Variants in JMJD1C observed in about 807,000 individuals in gnomAD.
JMJD1C encodes jumonji domain containing 1C.
In JMJD1C, 31 loss-of-function variants were observed where a neutral mutation model predicts 245.3. The observed-to-expected ratio is 0.13, with a 90% CI of 0.09 to 0.17. JMJD1C has a LOEUF of 0.17. Among genes scored for constraint, JMJD1C ranks in the 10% least tolerant of loss-of-function variants. The pLI is 1.00. For missense variants in JMJD1C, 2,691 were observed against 3,000.2 expected, an observed-to-expected ratio of 0.90 and a Z score of 2.41; for synonymous variants, 1,057 against 1,017.4, an observed-to-expected ratio of 1.04 and a Z score of -0.74.
At chr10:63,454,237 AG>A (rs1952258167) in intron 1 of JMJD1C, among the ~76,000 whole-genome samples, 1 of 150,672 alleles carries the variant, frequency 6.6e-6, no homozygotes, top group Non-Finnish European at 1.5e-5. Flanking sequence ...ATGTGATCGG[AG>A]CTCTAAAAGG....
At chr10:63,395,407 G>A (rs1028592214) in intron 1 of JMJD1C, among the ~76,000 whole-genome samples, 1 of 152,182 alleles carries the variant, frequency 6.6e-6, no homozygotes, top group Non-Finnish European at 1.5e-5. Flanking sequence ...GAACCCAGGA[G>A]GCGGAGTTTA....
At chr10:63,436,487 T>C (rs1363298529) in intron 1 of JMJD1C, among the ~76,000 whole-genome samples, 2 of 152,168 alleles carry the variant, frequency 1.3e-5, no homozygotes, top group African/African-American at 4.8e-5. Flanking sequence ...AATCAGTACC[T>C]TGAAATCTGA....
At chr10:63,430,959 T>C (rs763134353) in intron 1 of JMJD1C, among the ~76,000 whole-genome samples, 2 of 152,140 alleles carry the variant, frequency 1.3e-5, no homozygotes, top group Admixed American at 6.5e-5. Flanking sequence ...CCTGGGTTCA[T>C]GCAATCCTCC....
At chr10:63,451,677 T>C (rs1361583106) in intron 1 of JMJD1C, among the ~76,000 whole-genome samples, 1 of 152,148 alleles carries the variant, frequency 6.6e-6, no homozygotes, top group Admixed American at 6.5e-5. Flanking sequence ...TATGCCACCT[T>C]AAGGCTGATA....
intron 2 of JMJD1C, among the ~76,000 whole-genome samples, chr10:63,369,410 T>TGGGA (rs1214126296): frequency 6.6e-6 from 1 of 152,172 alleles, no homozygotes; most frequent in East Asian, 1.9e-4. Context: ...CCCAAAGTGC[T>TGGGA]GGGATTACAG....
chr10:63,285,634 C>G (rs1857896732), intron 2 of JMJD1C, among the ~76,000 whole-genome samples: 1 of 152,134 alleles, frequency 6.6e-6, no homozygotes, highest in Non-Finnish European at 1.5e-5. Context: ...CTGGGGAGAT[C>G]CCATTTCTAC....
At chr10:63,269,408 C>T (rs1564713006) in intron 2 of JMJD1C, among the ~76,000 whole-genome samples, 1 of 152,062 alleles carries the variant, frequency 6.6e-6, no homozygotes, top group Non-Finnish European at 1.5e-5. Context: ...AGACTAGTGG[C>T]GAGACTGAAA....
At chr10:63,249,661 C>T (rs536925126) in intron 3 of JMJD1C, among the ~76,000 whole-genome samples, 4 of 152,202 alleles carry the variant, frequency 2.6e-5, no homozygotes, top group South Asian at 2.1e-4. Flanking sequence ...GAGTTCCAGA[C>T]CAGCCTGTCC....
chr10:63,231,015 A>C (rs1314341445), intron 3 of JMJD1C, among the ~76,000 whole-genome samples: 2 of 152,206 alleles, frequency 1.3e-5, no homozygotes, highest in African/African-American at 4.8e-5. Context: ...TAAGTTTTTA[A>C]GTTGTAAGCA....
intron 1 of JMJD1C, among the ~76,000 whole-genome samples, chr10:63,428,851 G>C (rs1201895406): frequency 6.6e-6 from 1 of 151,982 alleles, no homozygotes; most frequent in African/African-American, 2.4e-5. Flanking sequence ...CTAAGTCTCA[G>C]AATCTAACAA....
intron 10 of JMJD1C, chr10:63,203,975 A>G: frequency 1.0e-6 from 1 of 983,940 alleles, no homozygotes; most frequent in Non-Finnish European, 1.2e-6. Context: ...CTGACTTATG[A>G]AAACTCCCAA....
chr10:63,380,083 G>C, intron 2 of JMJD1C: 1 of 477,014 alleles, frequency 2.1e-6, no homozygotes. Flanking sequence ...GGGACCACAG[G>C]TATGTGCCAC....
rs536606383 is a variant in JMJD1C, at chr10:63,462,130, T to C, written c.168+3365A>G. 9.8e-5 allele frequency among the ~76,000 whole-genome samples: 15 copies of C among 152,314 alleles called. No individual in the cohort carries two copies. In the South Asian group the frequency reaches 3.1e-3, roughly 32 times the overall value. The stretch of plus-strand genomic sequence containing the variant: ...CACAATGTGCTGTATATATTTCAAC[T>C]TCTTCAACAACTTGGTCCTCCTGCA... On this transcript the variant is annotated intron_variant, in intron 1 of 25. Transcript: ENST00000399262.
intron 1 of JMJD1C, among the ~76,000 whole-genome samples, chr10:63,462,256 T>C (rs186692857): frequency 6.6e-6 from 1 of 152,350 alleles, no homozygotes; most frequent in African/African-American, 2.4e-5. Context: ...CTATTTGAAA[T>C]TATCCAACAT....
intron 1 of JMJD1C, among the ~76,000 whole-genome samples, chr10:63,431,345 T>C (rs1950734177): frequency 6.6e-6 from 1 of 152,192 alleles, no homozygotes; most frequent in Non-Finnish European, 1.5e-5. Flanking sequence ...CAGAAATATG[T>C]AAGAATGACA....
intron 8 of JMJD1C, 136 bp from the exon 9 acceptor site, chr10:63,209,371 G>T: frequency 1.8e-6 from 1 of 556,276 alleles, no homozygotes; most frequent in Non-Finnish European, 2.8e-6. Context: ...TGGGAAACTT[G>T]TAACTTTTTC....
chr10:63,381,142 T>G (rs1457433412), intron 1 of JMJD1C, among the ~76,000 whole-genome samples: 1 of 152,204 alleles, frequency 6.6e-6, no homozygotes, highest in Non-Finnish European at 1.5e-5. Context: ...TGGAGGTGAT[T>G]ATGTTATATG....
intron 2 of JMJD1C, among the ~76,000 whole-genome samples, chr10:63,344,212 T>C (rs971536704): frequency 2.0e-4 from 30 of 152,212 alleles, no homozygotes; most frequent in African/African-American, 7.2e-4. Flanking sequence ...GTAACCTGTA[T>C]AGTATTTCCT....
chr10:63,447,861 C>T (rs188139768), intron 1 of JMJD1C, among the ~76,000 whole-genome samples: 3 of 151,968 alleles, frequency 2.0e-5, no homozygotes, highest in Admixed American at 1.3e-4. Flanking sequence ...ATCACTTGAA[C>T]CCAGGAGGCA....
Sources: allele counts gnomAD v4.1 joint callset (sites outside exome capture counted in the v4.1 genomes callset), GRCh38; gene constraint gnomAD v4.1.1; transcripts MANE v1.5; gene names NCBI Gene and HGNC (gene_info 2026-07-23, HGNC 2026-07-21).